Variants in ATP13A1 observed in about 807,000 individuals in gnomAD.
The protein encoded by ATP13A1 is ATPase 13A1, also known as endoplasmic reticulum transmembrane helix translocase.
A neutral mutation model predicts 134.8 loss-of-function variants in ATP13A1; 55 were observed. The observed-to-expected ratio is 0.41, with a 90% CI of 0.33 to 0.51. The LOEUF (loss-of-function observed/expected upper bound fraction) is 0.51. ATP13A1 is among the 20% of genes least tolerant of loss of function. The pLI is 0.29. For missense variants in ATP13A1, 1,389 were observed against 1,652.8 expected, an observed-to-expected ratio of 0.84 and a Z score of 2.77; for synonymous variants, 775 against 725.1, an observed-to-expected ratio of 1.07 and a Z score of -1.10.
intron 1 of ATP13A1, chr19:19,662,162 AAGGCAGCTGAAGTTTGAGCGGTGCCAC>A: frequency 1.3e-6 from 2 of 1,551,736 alleles, no homozygotes; most frequent in Non-Finnish European, 1.7e-6. Flanking sequence ...TGCAGGTCAA[AAGGCAGCTGAAGTTTGAGCGGTGCCAC>A]AGTCCCCTTA....
chr19:19,654,832 C>A, intron 12 of ATP13A1, 132 bp from the exon 13 acceptor site: 1 of 1,113,784 alleles, frequency 9.0e-7, no homozygotes. Flanking sequence ...CCAACTGGGT[C>A]TTTATGAGAC....
chr19:19,657,214 A>C, intron 4 of ATP13A1, 65 bp from the exon 5 acceptor site: 1 of 1,482,400 alleles, frequency 6.7e-7, no homozygotes. Flanking sequence ...CCTTCCACCC[A>C]CCGGATCTGA....
At chr19:19,662,325 G>C (rs1347961824) in intron 1 of ATP13A1, 1 of 985,310 alleles carries the variant, frequency 1.0e-6, no homozygotes, top group African/African-American at 1.7e-5. Flanking sequence ...TCTCAGGAGA[G>C]GAGAATGAGG....
In ATP13A1 at chr19:19,659,615, T is replaced by C. The variant is rs2062081662; in HGVS notation, c.663A>G (p.Lys221=). 1 of 1,610,346 alleles carries C rather than the reference T, an allele frequency of 6.2e-7. No individual in the cohort carries two copies. Among genetic ancestry groups the C allele is most frequent in the Non-Finnish European group, 8.5e-7 (1 of 1,176,988 alleles). Reference sequence around the variant, plus strand: ...CAAGGACTCACTTGTTGCTCCCAAATTTCTTCTCAGCTGCTCGGATCTCTG... The same window carrying C: ...CAAGGACTCACTTGTTGCTCCCAAACTTCTTCTCAGCTGCTCGGATCTCTG... ...EDSEIRAAEK[K]FGSNKAEMVV... is the part of the protein sequence containing the mutation. The change falls in exon 3 of 26, where the codon AAA becomes AAG. Residue 221 remains lysine, a synonymous_variant. Coordinates refer to ENST00000357324, the MANE Select transcript of ATP13A1 (RefSeq NM_020410.3).
At chr19:19,662,152 T>A in intron 1 of ATP13A1, 1 of 1,554,514 alleles carries the variant, frequency 6.4e-7, no homozygotes, top group Non-Finnish European at 8.7e-7. Context: ...GCTGCTTAGC[T>A]GCAGGTCAAA....
chr19:19,662,874 G>C (rs565235943), intron 1 of ATP13A1, among the ~76,000 whole-genome samples: 14 of 152,114 alleles, frequency 9.2e-5, no homozygotes, highest in Non-Finnish European at 1.9e-4. Context: ...CTTACACTTT[G>C]AAAACCAAGG....
rs747374768 is a variant in ATP13A1, at chr19:19,659,710, G to T, written c.568C>A (p.Leu190Ile). 6.2e-7 allele frequency: 1 copy of T among 1,613,888 alleles called. No homozygotes were observed. The highest frequency in any genetic ancestry group is 8.5e-7 in the Non-Finnish European group (1 of 1,179,896). ...TTTCCCACAGGAAAGGCCACGGGGA[G>T]AAACTGCTTCTTCTCCAGGGCATCG... ...SYDALEKKQF[L>I]PVAFPVGNAF... The change falls in exon 3 of 26, where the codon CTC becomes ATC. Residue 190 changes from leucine to isoleucine, a missense_variant. Leu to Ile is a conservative substitution (Grantham distance 5). Around this residue, in one of 4 missense-constraint regions of ATP13A1, gnomAD observed 747 missense variants for 956.1 expected, o/e 0.78. Transcript: ENST00000357324.
chr19:19,661,031 A>G (rs1365710167), intron 1 of ATP13A1, among the ~76,000 whole-genome samples: 2 of 152,066 alleles, frequency 1.3e-5, no homozygotes, highest in African/African-American at 4.8e-5. Context: ...GTGAGCCGAG[A>G]TTGTGCCACT....
chr19:19,649,468 C>A, intron 19 of ATP13A1, 99 bp downstream of exon 19: 2 of 1,270,580 alleles, frequency 1.6e-6, no homozygotes, highest in Non-Finnish European at 1.1e-6. Flanking sequence ...AATTAGTGCC[C>A]CCGTGGCTGT....
At chr19:19,646,852 C>T (rs1264524064) in intron 22 of ATP13A1, 2 of 492,190 alleles carry the variant, frequency 4.1e-6, no homozygotes, top group Non-Finnish European at 7.2e-6. Flanking sequence ...GTTTTTTTAC[C>T]CTCTTGATGA....
At chr19:19,661,286 C>T (rs993076640) in intron 1 of ATP13A1, among the ~76,000 whole-genome samples, 2 of 152,162 alleles carry the variant, frequency 1.3e-5, no homozygotes, top group African/African-American at 4.8e-5. Flanking sequence ...AGCCCCCGCC[C>T]CATCACAGGC....
rs139436279 is a variant in ATP13A1, at chr19:19,651,771, C to T, written c.2253G>A (p.Pro751=). 25 of 1,612,622 alleles carry T rather than the reference C, an allele frequency of 1.6e-5. No individual in the cohort carries two copies. The highest frequency in any genetic ancestry group is 1.6e-4 in the Middle Eastern group (1 of 6,068). ...HRVVMITGDN[P]LTACHVAQEL... ...CCTGGGCCACGTGGCATGCAGTGAG[C>T]GGGTTGTCTCCCGTGATCATGACCA... Residue 751 remains proline, a synonymous_variant, in exon 17 of 26, where the codon CCG becomes CCA. Coordinates refer to ENST00000357324, the MANE Select transcript of ATP13A1 (RefSeq NM_020410.3).
chr19:19,653,840 C>A lies in ATP13A1; in HGVS notation c.2044G>T (p.Gly682Ter). The change falls in exon 15 of 26, where the codon GGA becomes TGA. Residue 682 changes from glycine (G) to a stop codon, truncating the protein, a stop_gained. Transcript: ENST00000357324. LOFTEE classifies it high-confidence loss of function. The surrounding 1 kb of genome is among the most constrained non-coding windows in gnomAD (Gnocchi z 4.2). ...TACCCCAGCGCCAGGACGCGGGCTCCTTCCCGGGAGATCTCGGTGTGGATG... is the reference window on the plus strand; with the variant it reads ...TACCCCAGCGCCAGGACGCGGGCTCATTCCCGGGAGATCTCGGTGTGGATG... The part of the protein sequence containing the change: ...HHIHTEISRE[G>*]ARVLALGYKE... The A allele has an allele frequency of 6.4e-7, 1 of 1,563,502 alleles. No homozygotes were observed. The highest frequency in any genetic ancestry group is 8.7e-7 in the Non-Finnish European group (1 of 1,154,412).
Position 19,655,554 on chromosome 19 carries a change from G to T in ATP13A1, c.1370C>A (p.Ala457Asp), listed in dbSNP as rs2062052016. 1 of 1,614,022 alleles carries T rather than the reference G, an allele frequency of 6.2e-7. No individual in the cohort carries two copies. The highest frequency in any genetic ancestry group is 8.5e-7 in the Non-Finnish European group (1 of 1,179,894). Residue 457 changes from alanine to aspartate, a missense_variant, in exon 10 of 26, where the codon GCT (alanine) becomes GAT (aspartate). By Grantham distance (126) the Ala-to-Asp change is moderately radical (BLOSUM62 -2). Around this residue, in one of 4 missense-constraint regions of ATP13A1, gnomAD observed 747 missense variants for 956.1 expected, o/e 0.78. Transcript: ENST00000357324. The surrounding 1 kb of genome is among the most constrained non-coding windows in gnomAD (Gnocchi z 5.7). ...FILFLLVFAI[A>D]AAAYVWIEGT... Reference sequence around the variant, plus strand: ...TTCAATCCATACATAGGCAGCTGCAGCGATGGCAAACACCAGGAGGAAGAG... The same window carrying T: ...TTCAATCCATACATAGGCAGCTGCATCGATGGCAAACACCAGGAGGAAGAG...
chr19:19,659,018 T>C (rs1169525062), intron 3 of ATP13A1, among the ~76,000 whole-genome samples: 1 of 152,216 alleles, frequency 6.6e-6, no homozygotes, highest in East Asian at 1.9e-4. Context: ...GTGAAGAACC[T>C]TACACTCAAG....
At position 19,655,486 on chromosome 19, in the gene ATP13A1, C is replaced by T. The variant is rs200719216; in HGVS notation, c.1397-33G>A. On this transcript the variant is annotated intron_variant, in intron 10 of 25. Transcript: ENST00000357324. The surrounding 1 kb of genome is among the most constrained non-coding windows in gnomAD (Gnocchi z 5.7). The stretch of plus-strand genomic sequence containing the variant: ...GACAGGGCCTGCCAACCTGGAGCCT[C>T]GGAGGGTGGGCGCAGGGGACCACAG... 2.6e-5 allele frequency: 42 copies of T among 1,613,896 alleles called. No homozygotes were observed. The highest frequency in any genetic ancestry group is 6.7e-5 in the African/African-American group (5 of 75,024).
rs1169838739 is a variant in ATP13A1, at chr19:19,656,813, G to T, written c.976+34C>A. ...GTTGGCCAGAGGCCCTGAGGCTGGG[G>T]CTCCCACTGGGACTGAGCGGAACCC... On this transcript the variant is annotated intron_variant, in intron 6 of 25. Transcript: ENST00000357324. The surrounding 1 kb of genome is among the most constrained non-coding windows in gnomAD (Gnocchi z 4.6). 1 of 1,612,168 alleles carries T rather than the reference G, an allele frequency of 6.2e-7. No individual in the cohort carries two copies. The highest frequency in any genetic ancestry group is 1.1e-5 in the South Asian group (1 of 90,902).
chr19:19,649,778 TG>T lies in ATP13A1; in HGVS notation c.2497del (p.His833MetfsTer20). 6.2e-7 allele frequency: 1 copy of T among 1,601,586 alleles called. No homozygotes were observed. ...DPQQLLRLIP[H>X]VQVFARVAPK... ...AGCCACACGGGCGAACACCTGCACA[TG>T]GGGGATGAGGCGGAGCAGCTGCTGG... is the stretch of plus-strand genomic sequence containing the variant. On this transcript the variant is annotated frameshift_variant, in exon 18 of 26. Coordinates refer to ENST00000357324, the MANE Select transcript of ATP13A1 (RefSeq NM_020410.3). LOFTEE classifies it high-confidence loss of function.
In ATP13A1 at chr19:19,651,807, A is replaced by G; in HGVS notation, c.2227-10T>C. The G allele has an allele frequency of 6.2e-7, 1 of 1,604,478 alleles. No homozygotes were observed. Among genetic ancestry groups the G allele is most frequent in the Non-Finnish European group, 8.5e-7 (1 of 1,173,330 alleles). Reference sequence around the variant, plus strand: ...CCGTGATCATGACCACCTTGGGTAAAGAGGGGCAGAGGCTCAGCATGGCAC... The same window carrying G: ...CCGTGATCATGACCACCTTGGGTAAGGAGGGGCAGAGGCTCAGCATGGCAC... On this transcript the variant is annotated splice_polypyrimidine_tract_variant and intron_variant, in intron 16 of 25. Transcript: ENST00000357324.
Sources: allele counts gnomAD v4.1 joint callset (sites outside exome capture counted in the v4.1 genomes callset), GRCh38; gene constraint gnomAD v4.1.1; regional missense constraint gnomAD v4.1.1; non-coding constraint Gnocchi (gnomAD v3.1); transcripts MANE v1.5; gene names NCBI Gene and HGNC (gene_info 2026-07-23, HGNC 2026-07-21).